The following ADGRB3 variants were observed in gnomAD, a reference collection of about 807,000 sequenced individuals.
ADGRB3 encodes the protein adhesion G protein-coupled receptor B3, also known as brain-specific angiogenesis inhibitor 3.
In ADGRB3, 37 loss-of-function variants were observed where a neutral mutation model predicts 193.4. The ratio of observed to expected loss-of-function variants is 0.19; its 90% CI spans 0.15 to 0.25. The LOEUF (loss-of-function observed/expected upper bound fraction) is 0.25. ADGRB3 is among the 10% of genes least tolerant of loss of function. ADGRB3 has a pLI of 1.00. For missense variants in ADGRB3, 1,637 were observed against 1,852.9 expected, an observed-to-expected ratio of 0.88 and a Z score of 2.14; for synonymous variants, 690 against 644.2, an observed-to-expected ratio of 1.07 and a Z score of -1.08.
chr6:69,070,751 G>A (rs140000140), intron 16 of ADGRB3, among the ~76,000 whole-genome samples: 1 of 152,084 alleles, frequency 6.6e-6, no homozygotes, highest in Non-Finnish European at 1.5e-5. Flanking sequence ...TTCTGAAGTA[G>A]GTCTAGAGAA....
At chr6:68,904,735 C>G (rs1429521326) in intron 3 of ADGRB3, among the ~76,000 whole-genome samples, 1 of 152,086 alleles carries the variant, frequency 6.6e-6, no homozygotes, top group Non-Finnish European at 1.5e-5. Flanking sequence ...TAGGTTGTTT[C>G]CATGGAGATG....
At chr6:69,133,708 G>A (rs917608954) in intron 17 of ADGRB3, among the ~76,000 whole-genome samples, 2 of 150,894 alleles carry the variant, frequency 1.3e-5, no homozygotes, top group Non-Finnish European at 3.0e-5. Context: ...TTATTTTAAA[G>A]TTTTGGGGGA....
At chr6:68,681,255 T>A (rs1159713543) in intron 3 of ADGRB3, among the ~76,000 whole-genome samples, 1 of 152,150 alleles carries the variant, frequency 6.6e-6, no homozygotes, top group Admixed American at 6.5e-5. Flanking sequence ...TTCAACATCA[T>A]TGGGCATCAA....
At chr6:68,967,376 C>T (rs1768413033) in intron 8 of ADGRB3, among the ~76,000 whole-genome samples, 2 of 152,304 alleles carry the variant, frequency 1.3e-5, no homozygotes, top group South Asian at 2.1e-4. Context: ...TAATCAGCTT[C>T]TTCCTGAACC....
intron 20 of ADGRB3, among the ~76,000 whole-genome samples, chr6:69,312,964 C>T (rs529470106): frequency 1.3e-4 from 19 of 151,796 alleles, no homozygotes; most frequent in Middle Eastern, 3.2e-3. Flanking sequence ...ACACTTTACA[C>T]TTATTATAAG....
chr6:68,741,898 A>G (rs1409861090), intron 3 of ADGRB3, among the ~76,000 whole-genome samples: 1 of 152,218 alleles, frequency 6.6e-6, no homozygotes, highest in Non-Finnish European at 1.5e-5. Flanking sequence ...CTAAATATGC[A>G]AATTCATTAT....
At chr6:68,894,359 T>C (rs1400595696) in intron 3 of ADGRB3, among the ~76,000 whole-genome samples, 1 of 151,942 alleles carries the variant, frequency 6.6e-6, no homozygotes, top group Non-Finnish European at 1.5e-5. Context: ...GTTCTGCTGG[T>C]TTAATTGTTG....
intron 9 of ADGRB3, 79 bp downstream of exon 9, chr6:68,974,943 T>G: frequency 8.0e-7 from 1 of 1,252,650 alleles, no homozygotes; most frequent in South Asian, 1.3e-5. Flanking sequence ...TATGAAGTCA[T>G]GTTTTTGTCT....
chr6:69,251,764 C>CT (rs545847417), intron 20 of ADGRB3, among the ~76,000 whole-genome samples: 41 of 152,102 alleles, frequency 2.7e-4, no homozygotes, highest in Non-Finnish European at 3.4e-4. Context: ...CATAGCTACC[C>CT]TTTTTGTTTA....
At chr6:68,989,903 A>G (rs1181252216) in intron 10 of ADGRB3, among the ~76,000 whole-genome samples, 1 of 152,158 alleles carries the variant, frequency 6.6e-6, no homozygotes, top group Admixed American at 6.6e-5. Flanking sequence ...GGAAGTAGCA[A>G]TAAGAGAAGT....
chr6:68,974,248 A>G (rs776820397), intron 8 of ADGRB3, among the ~76,000 whole-genome samples: 2 of 152,220 alleles, frequency 1.3e-5, no homozygotes, highest in Admixed American at 6.5e-5. Context: ...CTACACAGTA[A>G]GCAGTTCAAA....
At chr6:69,271,587 T>C (rs1177840586) in intron 20 of ADGRB3, among the ~76,000 whole-genome samples, 2 of 151,914 alleles carry the variant, frequency 1.3e-5, no homozygotes, top group African/African-American at 4.8e-5. Context: ...TTATGTAGCA[T>C]GTTATTCTGA....
chr6:69,076,183 G>A, intron 17 of ADGRB3, 145 bp downstream of exon 17: 1 of 681,076 alleles, frequency 1.5e-6, no homozygotes, highest in Non-Finnish European at 2.5e-6. Flanking sequence ...TGAATCTTCA[G>A]GACAGCATGA....
intron 20 of ADGRB3, among the ~76,000 whole-genome samples, chr6:69,251,943 C>T (rs773169402): frequency 2.0e-5 from 3 of 152,086 alleles, no homozygotes; most frequent in Non-Finnish European, 4.4e-5. Flanking sequence ...CAGTGAAATG[C>T]ACACTACATA....
intron 3 of ADGRB3, among the ~76,000 whole-genome samples, chr6:68,866,058 TG>T (rs1765289854): frequency 1.3e-5 from 2 of 152,182 alleles, no homozygotes; most frequent in South Asian, 4.1e-4. Flanking sequence ...ATCCCAATTA[TG>T]GGTGCCTCAC....
chr6:68,780,279 G>GTCAACC (rs2127360760), intron 3 of ADGRB3, among the ~76,000 whole-genome samples: 1 of 152,150 alleles, frequency 6.6e-6, no homozygotes, highest in Non-Finnish European at 1.5e-5. Flanking sequence ...GATATAATGG[G>GTCAACC]ACGGTGACCA....
At chr6:69,184,310 ATAGT>A (rs1765019740) in intron 17 of ADGRB3, among the ~76,000 whole-genome samples, 1 of 152,136 alleles carries the variant, frequency 6.6e-6, no homozygotes, top group African/African-American at 2.4e-5. Context: ...AATGGGTGTG[ATAGT>A]TAGCCTTTTC....
intron 3 of ADGRB3, among the ~76,000 whole-genome samples, chr6:68,700,002 A>G (rs1010996951): frequency 1.3e-5 from 2 of 152,132 alleles, no homozygotes; most frequent in African/African-American, 2.4e-5. Flanking sequence ...TATAATAACC[A>G]TATTAGGGAA....
chr6:68,812,146 G>A (rs1259426273), intron 3 of ADGRB3, among the ~76,000 whole-genome samples: 1 of 152,188 alleles, frequency 6.6e-6, no homozygotes, highest in African/African-American at 2.4e-5. Flanking sequence ...CTGAGTCGAT[G>A]AGTAGATTAA....
Sources: allele counts gnomAD v4.1 joint callset (sites outside exome capture counted in the v4.1 genomes callset), GRCh38; gene constraint gnomAD v4.1.1; transcripts MANE v1.5; gene names NCBI Gene and HGNC (gene_info 2026-07-23, HGNC 2026-07-21).